The following MAPK6 variants were observed in gnomAD, a reference collection of about 807,000 sequenced individuals.
MAPK6 encodes ERK-3.
In MAPK6, 19 loss-of-function variants were observed where a neutral mutation model predicts 59.3. That is an observed-to-expected ratio of 0.32 (90% CI 0.22 to 0.47). The LOEUF is 0.47. Ranked by LOEUF, MAPK6 falls within the 20% of genes least tolerant of loss-of-function variation. The pLI is 1.00. For synonymous variants in MAPK6, 316 were observed against 290.3 expected (o/e 1.09, Z -0.90); for missense variants, 724 against 847.9 (o/e 0.85, Z 1.81).
chr15:51,986,922 G>C (rs369801419), intron 2 of MAPK6, among the ~76,000 whole-genome samples: 2 of 152,204 alleles, frequency 1.3e-5, no homozygotes, highest in South Asian at 2.1e-4. Context: ...AAGGATTAGG[G>C]ACATCTATGT....
At chr15:52,054,749 C>T (rs4775998) in intron 3 of MAPK6, among the ~76,000 whole-genome samples, 36 of 150,052 alleles carry the variant, frequency 2.4e-4, no homozygotes, top group African/African-American at 8.7e-4. Context: ...CACACACACA[C>T]ATATACACAT....
intron 1 of MAPK6, among the ~76,000 whole-genome samples, chr15:51,983,098 C>T (rs2057179555): frequency 6.6e-6 from 1 of 152,040 alleles, no homozygotes; most frequent in Non-Finnish European, 1.5e-5. Flanking sequence ...GAATCCTGGG[C>T]CTAAAATGTC....
At position 52,046,221 on chromosome 15, in the gene MAPK6, A is replaced by G. The variant is rs1720216669; in HGVS notation, c.-240A>G. 5.4e-5 allele frequency: 21 copies of G among 390,354 alleles called. No homozygotes were observed. The East Asian group carries it at 9.4e-4, about 18-fold the overall frequency. 24.2% of individuals were successfully genotyped at this position (390,354 alleles called of 1,614,324 possible). Reference sequence around the variant, plus strand: ...TGCAGAGTTGCTGCCCCTTTCTTGAACTATGAGTACTGCAATCTTTTTAAT... The same window carrying G: ...TGCAGAGTTGCTGCCCCTTTCTTGAGCTATGAGTACTGCAATCTTTTTAAT... On this transcript the variant is annotated 5_prime_UTR_variant, in exon 2 of 6. Transcript: ENST00000261845.
intron 1 of MAPK6, chr15:52,021,515 A>G (rs2030528663): frequency 6.6e-6 from 1 of 152,188 alleles, no homozygotes; most frequent in Non-Finnish European, 1.5e-5. Context: ...TTTTAAAAGG[A>G]TATCATATAC....
At chr15:52,002,009 T>A (rs1028388996) in intron 2 of MAPK6, among the ~76,000 whole-genome samples, 2 of 152,158 alleles carry the variant, frequency 1.3e-5, no homozygotes, top group African/African-American at 4.8e-5. Context: ...ACACTGATGA[T>A]TTAGTCTGGG....
chr15:52,017,396 C>G (rs1157947047), upstream of MAPK6: 1 of 152,026 alleles, frequency 6.6e-6, no homozygotes, highest in African/African-American at 2.4e-5. Context: ...TATAAAGAAC[C>G]TTCTTAAGGG....
chr15:52,039,627 A>G (rs543052950), intron 1 of MAPK6, among the ~76,000 whole-genome samples: 2 of 149,304 alleles, frequency 1.3e-5, no homozygotes, highest in South Asian at 2.1e-4. Context: ...GCGATTCTCC[A>G]ACCTCAGCCT....
Position 52,061,379 on chromosome 15 carries a change from A to T in MAPK6, c.946A>T (p.Met316Leu). 6.2e-7 allele frequency: 1 copy of T among 1,614,040 alleles called. No homozygotes were observed. The highest frequency in any genetic ancestry group is 8.5e-7 in the Non-Finnish European group (1 of 1,179,904). The change falls in exon 5 of 6, where the codon ATG (methionine) becomes TTG (leucine). Residue 316 changes from methionine (M) to leucine (L), a missense_variant. Met to Leu is a conservative substitution (Grantham distance 15). Around this residue, in one of 4 missense-constraint regions of MAPK6, gnomAD observed 502 missense variants for 507.6 expected, o/e 0.99. Coordinates refer to ENST00000261845, the MANE Select transcript of MAPK6 (RefSeq NM_002748.4). The stretch of plus-strand genomic sequence containing the variant: ...AGAAGAAGCACTCTCCCATCCTTAC[A>T]TGAGCATATATTCTTTTCCAATGGA... ...TAEEALSHPY[M>L]SIYSFPMDEP...
intron 1 of MAPK6, among the ~76,000 whole-genome samples, chr15:52,039,292 C>T (rs936809156): frequency 6.6e-6 from 1 of 152,036 alleles, no homozygotes; most frequent in African/African-American, 2.4e-5. Context: ...TGTAACTAGA[C>T]TTACTAGTTG....
intron 3 of MAPK6, among the ~76,000 whole-genome samples, chr15:52,006,534 A>C (rs1566897414): frequency 1.3e-5 from 2 of 152,252 alleles, no homozygotes; most frequent in Non-Finnish European, 2.9e-5. Flanking sequence ...ACTAAAACAC[A>C]GAAGTTCACA....
At chr15:52,028,012 G>T (rs533558371) in intron 1 of MAPK6, 1 of 132,294 alleles carries the variant, frequency 7.6e-6, no homozygotes, top group Admixed American at 9.1e-5. Context: ...GAGTGCAGTG[G>T]TGCGATCTCA....
Position 52,051,144 on chromosome 15 carries a change from G to A in MAPK6, c.700+1007G>A, listed in dbSNP as rs79358586. The stretch of plus-strand genomic sequence containing the variant: ...GCGATTTCTGCTCACTGCAAGCTCC[G>A]CCTCCCAGGTTCACACCATTCTCCT... On this transcript the variant is annotated intron_variant, in intron 3 of 5. Transcript: ENST00000261845. 0.026 allele frequency among the ~76,000 whole-genome samples: 3,980 copies of A among 151,812 alleles called. 400 individuals carry two copies. The East Asian group carries it at 0.37, about 14-fold the overall frequency.
chr15:52,052,253 A>C (rs899003824), intron 3 of MAPK6, among the ~76,000 whole-genome samples: 1 of 152,180 alleles, frequency 6.6e-6, no homozygotes, highest in East Asian at 1.9e-4. Flanking sequence ...GCTTACTTAC[A>C]TGACAGTTAC....
intron 1 of MAPK6, among the ~76,000 whole-genome samples, chr15:52,020,647 A>G (rs2030489455): frequency 6.6e-6 from 1 of 152,242 alleles, no homozygotes; most frequent in Non-Finnish European, 1.5e-5. Flanking sequence ...ATCTGACCAG[A>G]AGAATGTAGG....
chr15:51,992,907 G>GT (rs576898691), intron 2 of MAPK6, among the ~76,000 whole-genome samples: 15 of 152,160 alleles, frequency 9.9e-5, no homozygotes, highest in African/African-American at 3.4e-4. Flanking sequence ...GAACCTCCAC[G>GT]TGTTCACTTA....
At chr15:52,048,290 C>T (rs935159238) in intron 2 of MAPK6, among the ~76,000 whole-genome samples, 13 of 152,094 alleles carry the variant, frequency 8.5e-5, no homozygotes, top group African/African-American at 2.9e-4. Context: ...GCTGGGATTA[C>T]AGGCGCCCGC....
At chr15:52,063,810 C>A in intron 5 of MAPK6, 92 bp from the exon 6 acceptor site, 1 of 1,151,338 alleles carries the variant, frequency 8.7e-7, no homozygotes, top group Non-Finnish European at 1.2e-6. Flanking sequence ...CCCTCATAGA[C>A]CTAGCACAGT....
At position 52,067,051 on chromosome 15, in the gene MAPK6, A is replaced by AT. The variant is rs1487542263; in HGVS notation, c.*2057dup. The AT allele has an allele frequency of 2.6e-5, 4 of 152,050 alleles. No homozygotes were observed. The highest frequency in any genetic ancestry group is 5.9e-5 in the Non-Finnish European group (4 of 67,990). The allele number at this position is 152,050 out of a possible 1,614,324, so 9.4% of individuals were successfully genotyped here. ...GGTCCCTGATCCTCCATTATAACCA[A>AT]TTTTTTGCAAACGTATGTTGATTTT... On this transcript the variant is annotated 3_prime_UTR_variant, in exon 6 of 6. Coordinates refer to ENST00000261845, the MANE Select transcript of MAPK6 (RefSeq NM_002748.4).
chr15:52,043,082 TG>T (rs1284493544), intron 1 of MAPK6, among the ~76,000 whole-genome samples: 1 of 151,920 alleles, frequency 6.6e-6, no homozygotes, highest in Non-Finnish European at 1.5e-5. Context: ...CAGTGAGTGG[TG>T]ATCACGCCAC....
Sources: allele counts gnomAD v4.1 joint callset (sites outside exome capture counted in the v4.1 genomes callset), GRCh38; gene constraint gnomAD v4.1.1; regional missense constraint gnomAD v4.1.1; transcripts MANE v1.5; gene names NCBI Gene and HGNC (gene_info 2026-07-23, HGNC 2026-07-21).